Variants in SPEN observed in about 807,000 individuals in gnomAD.
The protein encoded by SPEN is spen family transcriptional repressor.
A neutral mutation model predicts 269.9 loss-of-function variants in SPEN; 18 were observed. The observed-to-expected ratio is 0.07, with a 90% confidence interval of 0.05 to 0.10. The LOEUF is 0.10. Among genes scored for constraint, SPEN ranks in the 10% least tolerant of loss-of-function variants. The pLI is 1.00. For missense variants in SPEN, 3,822 were observed against 4,631.2 expected (o/e 0.83, Z 5.07); for synonymous variants, 1,726 against 1,765.7 (o/e 0.98, Z 0.56).
intron 3 of SPEN, among the ~76,000 whole-genome samples, chr1:15,898,998 G>C (rs960147325): frequency 5.9e-5 from 9 of 152,072 alleles, no homozygotes; most frequent in African/African-American, 1.9e-4. Flanking sequence ...GAATGTGAGT[G>C]TACAAATATC....
chr1:15,870,259 G>C (rs997382942), intron 1 of SPEN, among the ~76,000 whole-genome samples: 13 of 152,300 alleles, frequency 8.5e-5, no homozygotes, highest in Middle Eastern at 3.4e-3. Context: ...TGGGTAGTTT[G>C]ATAAAAATGT....
intron 2 of SPEN, among the ~76,000 whole-genome samples, chr1:15,875,527 C>G (rs769047888): frequency 6.6e-6 from 1 of 151,854 alleles, no homozygotes; most frequent in Non-Finnish European, 1.5e-5. Flanking sequence ...CATGTGGTAA[C>G]CCAATATTTT....
rs1290711531 is a variant in SPEN at position 15,939,459 on chromosome 1, TC to T, written c.*35del. Reference sequence around the variant, plus strand: ...GAGTGGTTATCACCTCAGTGAATCTTCCCAGGGCTCTGCAGTAAAAACAAAG... The same window carrying T: ...GAGTGGTTATCACCTCAGTGAATCTTCCAGGGCTCTGCAGTAAAAACAAAG... On this transcript the variant is annotated 3_prime_UTR_variant, in exon 15 of 15. Transcript: ENST00000375759. The surrounding 1 kb of genome is among the most constrained non-coding windows in gnomAD (Gnocchi z 4.1). 1 of 1,525,022 alleles carries T rather than the reference TC, an allele frequency of 6.6e-7. No individual in the cohort carries two copies. Among genetic ancestry groups the T allele is most frequent in the Non-Finnish European group, 8.8e-7 (1 of 1,131,828 alleles). The allele number at this position is 1,525,022 out of a possible 1,614,324, so 94.5% of individuals were successfully genotyped here.
chr1:15,852,866 C>A (rs1177289573), intron 1 of SPEN, among the ~76,000 whole-genome samples: 4 of 152,114 alleles, frequency 2.6e-5, no homozygotes, highest in African/African-American at 9.7e-5. Context: ...CTATATATTT[C>A]TTTGCTTTTA....
At chr1:15,853,780 C>T (rs568156438) in intron 1 of SPEN, among the ~76,000 whole-genome samples, 139 of 151,862 alleles carry the variant, frequency 9.2e-4, no homozygotes, top group African/African-American at 2.2e-3. Context: ...GTGATTCTCC[C>T]GCTTTAGCCT....
intron 3 of SPEN, among the ~76,000 whole-genome samples, chr1:15,879,097 A>G (rs1218282778): frequency 6.7e-6 from 1 of 150,146 alleles, no homozygotes; most frequent in African/African-American, 2.4e-5. Context: ...CCAGCACACT[A>G]TGAGGCTGAG....
Position 15,935,889 on chromosome 1 carries a change from G to T in SPEN, c.9649G>T (p.Val3217Leu). The T allele has an allele frequency of 1.9e-6, 3 of 1,613,260 alleles. No homozygotes were observed. The highest frequency in any genetic ancestry group is 2.5e-6 in the Non-Finnish European group (3 of 1,179,974). The change falls in exon 11 of 15, where the codon GTG (valine) becomes TTG (leucine). Residue 3217 changes from valine (V) to leucine (L), a missense_variant. Coordinates refer to ENST00000375759, the MANE Select transcript of SPEN (RefSeq NM_015001.3). This position sits in a 1 kb window ranked among gnomAD's most constrained non-coding sequence, Gnocchi z 7.7. ...GCAGCCCAGGGCCGCGGATGGGGTG[G>T]TGAAGGTGCCACCAGCCAGCAAGGC... ...SEQPRAADGV[V>L]KVPPASKAPQ...
At chr1:15,914,408 C>CCCTGGTTTGGGTTTCCTAT (rs1435137818) in intron 5 of SPEN, among the ~76,000 whole-genome samples, 1 of 152,210 alleles carries the variant, frequency 6.6e-6, no homozygotes, top group Non-Finnish European at 1.5e-5. Context: ...AAAGAACACA[C>CCCTGGTTTGGGTTTCCTAT]AGTAGTTTCC....
rs143132785 is a variant in SPEN at position 15,935,528 on chromosome 1, C to T, written c.9288C>T (p.Gly3096=). 16 of 1,613,930 alleles carry T rather than the reference C, an allele frequency of 9.9e-6. No individual in the cohort carries two copies. Among genetic ancestry groups the T allele is most frequent in the African/African-American group, 2.7e-5 (2 of 74,868 alleles). Residue 3096 remains glycine (G), a synonymous_variant, in exon 11 of 15, where the codon GGC becomes GGT. Transcript: ENST00000375759. This position sits in a 1 kb window ranked among gnomAD's most constrained non-coding sequence, Gnocchi z 7.7. ...QTVSLSHLSQ[G]EVRMNTPTLP... Reference sequence around the variant, plus strand: ...TGTCCCTGAGCCACCTCTCCCAGGGCGAGGTGAGAATGAACACTCCCACGC... The same window carrying T: ...TGTCCCTGAGCCACCTCTCCCAGGGTGAGGTGAGAATGAACACTCCCACGC...
Position 15,847,712 on chromosome 1 carries a change from G to C in SPEN, c.-356G>C, listed in dbSNP as rs926443065. Among the ~76,000 whole-genome samples, 1 of 151,550 alleles carries C rather than the reference G, an allele frequency of 6.6e-6. No homozygotes were observed. Among genetic ancestry groups the C allele is most frequent in the Non-Finnish European group, 1.5e-5 (1 of 67,812 alleles). Reference sequence around the variant, plus strand: ...GGAGTCGGGCCGCGCGCGCCAGTGGGAAGCGTCCGGCTGCCACAGCGCCAG... The same window carrying C: ...GGAGTCGGGCCGCGCGCGCCAGTGGCAAGCGTCCGGCTGCCACAGCGCCAG... On this transcript the variant is annotated 5_prime_UTR_variant, in exon 1 of 15. Transcript: ENST00000375759.
Position 15,939,506 on chromosome 1 carries a change from G to A in SPEN, c.*79G>A. On this transcript the variant is annotated 3_prime_UTR_variant, in exon 15 of 15. Transcript: ENST00000375759. This position sits in a 1 kb window ranked among gnomAD's most constrained non-coding sequence, Gnocchi z 4.1. Reference sequence around the variant, plus strand: ...CAAAGGACAACCCAGCCAAGCAGAGGAAGAAGCTGCCGAAGGGGACAGACT... The same window carrying A: ...CAAAGGACAACCCAGCCAAGCAGAGAAAGAAGCTGCCGAAGGGGACAGACT... The A allele has an allele frequency of 6.9e-7, 1 of 1,446,432 alleles. No individual in the cohort carries two copies. Among genetic ancestry groups the A allele is most frequent in the Non-Finnish European group, 9.2e-7 (1 of 1,091,364 alleles). The allele number at this position is 1,446,432 out of a possible 1,614,324, so 89.6% of individuals were successfully genotyped here.
In SPEN at chr1:15,933,568, A is replaced by G; in HGVS notation, c.7328A>G (p.Glu2443Gly). The G allele has an allele frequency of 6.2e-7, 1 of 1,613,948 alleles. No homozygotes were observed. The highest frequency in any genetic ancestry group is 8.5e-7 in the Non-Finnish European group (1 of 1,179,894). The change falls in exon 11 of 15, where the codon GAG (glutamate) becomes GGG (glycine). Residue 2443 changes from glutamate to glycine, a missense_variant. Physicochemically the swap from Glu to Gly is moderately conservative, Grantham distance 98. This residue lies in a region of SPEN where 727 missense variants were observed against 737.9 expected (regional missense o/e 0.99). Coordinates refer to ENST00000375759, the MANE Select transcript of SPEN (RefSeq NM_015001.3). The surrounding 1 kb of genome is among the most constrained non-coding windows in gnomAD (Gnocchi z 5.7). Reference protein sequence around the residue: ...PPPQPAPVDEEPQARFRVHSI... With the variant: ...PPPQPAPVDEGPQARFRVHSI... Reference sequence around the variant, plus strand: ...CCCCAGCCAGCACCGGTGGATGAGGAGCCTCAAGCCAGGTTCAGGGTGCAT... The same window carrying G: ...CCCCAGCCAGCACCGGTGGATGAGGGGCCTCAAGCCAGGTTCAGGGTGCAT...
At chr1:15,904,460 A>AAAAAAAAAAAAAAAAAAAAAAAAT (rs2070935388) in intron 3 of SPEN, among the ~76,000 whole-genome samples, 1 of 118,914 alleles carries the variant, frequency 8.4e-6, no homozygotes, top group Non-Finnish European at 1.8e-5. Context: ...CTCAAAAAAA[A>AAAAAAAAAAAAAAAAAAAAAAAAT]AAAAAAAAAA....
At chr1:15,900,089 A>T (rs1242714330) in intron 3 of SPEN, among the ~76,000 whole-genome samples, 1 of 152,032 alleles carries the variant, frequency 6.6e-6, no homozygotes, top group African/African-American at 2.4e-5. Context: ...CAGGCGGTCC[A>T]CCGTCCTCGG....
At chr1:15,850,851 C>G (rs2070328872) in intron 1 of SPEN, among the ~76,000 whole-genome samples, 1 of 152,174 alleles carries the variant, frequency 6.6e-6, no homozygotes, top group Admixed American at 6.6e-5. Context: ...AAAAACCATG[C>G]AATACCTATA....
intron 10 of SPEN, among the ~76,000 whole-genome samples, chr1:15,924,691 C>G (rs1422946445): frequency 6.6e-6 from 1 of 152,148 alleles, no homozygotes; most frequent in Non-Finnish European, 1.5e-5. Flanking sequence ...AATTCCTGAC[C>G]TCAGGTGATC....
intron 1 of SPEN, among the ~76,000 whole-genome samples, chr1:15,852,140 T>C (rs1296508101): frequency 1.3e-5 from 2 of 152,212 alleles, no homozygotes; most frequent in Non-Finnish European, 2.9e-5. Context: ...ATATAAAATA[T>C]TGAATTTCCT....
intron 10 of SPEN, among the ~76,000 whole-genome samples, chr1:15,925,489 A>G (rs185942032): frequency 3.2e-4 from 49 of 152,342 alleles, no homozygotes; most frequent in Non-Finnish European, 6.0e-4. Flanking sequence ...GCCCAGCAAA[A>G]TAAGTATTTG....
At chr1:15,916,078 G>T in intron 5 of SPEN, 50 bp from the exon 6 acceptor site, 4 of 1,546,244 alleles carry the variant, frequency 2.6e-6, no homozygotes, top group Non-Finnish European at 3.5e-6. Context: ...ATATAAATAT[G>T]CATTAAAATA....
Sources: allele counts gnomAD v4.1 joint callset (sites outside exome capture counted in the v4.1 genomes callset), GRCh38; gene constraint gnomAD v4.1.1; regional missense constraint gnomAD v4.1.1; non-coding constraint Gnocchi (gnomAD v3.1); transcripts MANE v1.5; gene names NCBI Gene and HGNC (gene_info 2026-07-23, HGNC 2026-07-21).